The following BMPR1B variants were observed in gnomAD, a reference collection of about 807,000 sequenced individuals.
BMPR1B encodes the protein bone morphogenetic protein receptor type 1B.
In BMPR1B, 12 loss-of-function variants were observed where a neutral mutation model predicts 59.1. The ratio of observed to expected loss-of-function variants is 0.20; its 90% confidence interval spans 0.13 to 0.33. BMPR1B has a LOEUF of 0.33. Ranked by LOEUF, BMPR1B falls within the 10% of genes least tolerant of loss-of-function variation. The pLI is 1.00. For missense variants in BMPR1B, 550 were observed against 610.9 expected, an observed-to-expected ratio of 0.90 and a Z score of 1.05; for synonymous variants, 237 against 207.3, an observed-to-expected ratio of 1.14 and a Z score of -1.23.
chr4:95,083,785 G>T (rs1244799605), intron 3 of BMPR1B, among the ~76,000 whole-genome samples: 5 of 151,954 alleles, frequency 3.3e-5, no homozygotes, highest in Non-Finnish European at 5.9e-5. Context: ...CTCTTTTTTT[G>T]TGTGTTTCTT....
At position 94,933,141 on chromosome 4, in the gene BMPR1B, G is replaced by T. The variant is rs557031195; in HGVS notation, c.-113+57241G>T. ...TAATATTCGTATGTATTAGAATTAA[G>T]CTATTCATAAAGTTGTAAGCTGCAT... On this transcript the variant is annotated intron_variant, in intron 2 of 12. Transcript: ENST00000515059. Among the ~76,000 whole-genome samples the T allele has an allele frequency of 4.6e-5, 7 of 152,036 alleles. No individual in the cohort carries two copies. The East Asian group carries it at 1.4e-3, about 29-fold the overall frequency.
At chr4:94,786,578 G>A (rs1229573430) in intron 1 of BMPR1B, among the ~76,000 whole-genome samples, 1 of 151,952 alleles carries the variant, frequency 6.6e-6, no homozygotes, top group Non-Finnish European at 1.5e-5. Flanking sequence ...TCGCTCTGTT[G>A]CCCAGGCTGG....
chr4:95,149,896 C>G (rs1734916074), intron 11 of BMPR1B, among the ~76,000 whole-genome samples: 1 of 152,178 alleles, frequency 6.6e-6, no homozygotes, highest in African/African-American at 2.4e-5. Context: ...ATTATTGTAT[C>G]TGCTTCTGTG....
chr4:95,036,413 C>T (rs763609026), intron 3 of BMPR1B, among the ~76,000 whole-genome samples: 7 of 152,040 alleles, frequency 4.6e-5, no homozygotes, highest in South Asian at 4.2e-4. Flanking sequence ...TTTTTGTCCA[C>T]GAAGTTCATC....
rs557216032 is a variant in BMPR1B, at chr4:94,812,126, A to G, written c.-183+54058A>G. ...TTATATTCTTATTCATTAAACAAGC[A>G]CTTATTGAGCATTAACTATGTGCTA... On this transcript the variant is annotated intron_variant, in intron 1 of 12. Coordinates refer to ENST00000515059, the MANE Select transcript of BMPR1B (RefSeq NM_001203.3). Among the ~76,000 whole-genome samples, 33 of 152,308 alleles carry G rather than the reference A, an allele frequency of 2.2e-4. No individual in the cohort carries two copies. The East Asian group carries it at 5.6e-3, about 26-fold the overall frequency.
At chr4:95,010,425 A>ATC (rs1001721651) in intron 3 of BMPR1B, among the ~76,000 whole-genome samples, 2 of 152,108 alleles carry the variant, frequency 1.3e-5, no homozygotes, top group African/African-American at 4.8e-5. Context: ...TTGGAACCAT[A>ATC]TCTCTCTAAC....
In BMPR1B at chr4:95,154,528, C is replaced by A. The variant is rs776237011; in HGVS notation, c.1384-20C>A. 1.2e-6 allele frequency: 2 copies of A among 1,613,998 alleles called. No individual in the cohort carries two copies. Among genetic ancestry groups the A allele is most frequent in the Non-Finnish European group, 1.7e-6 (2 of 1,179,900 alleles). On this transcript the variant is annotated intron_variant, in intron 12 of 12. Coordinates refer to ENST00000515059, the MANE Select transcript of BMPR1B (RefSeq NM_001203.3). ...CCAGCCTTGCAGATGATACATTTTT[C>A]TAACATTTCTCTTCCTCAGTGTCTA...
In BMPR1B at chr4:94,859,823, A is replaced by C. The variant is rs372346544; in HGVS notation, c.-182-16008A>C. ...TTTTGGCTCAGACTGTGAGGAGATT[A>C]CTTAATTGCATATAAATTACTAAAG... On this transcript the variant is annotated intron_variant, in intron 1 of 12. Transcript: ENST00000515059. Among the ~76,000 whole-genome samples, 29 of 152,300 alleles carry C rather than the reference A, an allele frequency of 1.9e-4. No individual in the cohort carries two copies. In the South Asian group the frequency reaches 4.3e-3, roughly 23 times the overall value.
intron 2 of BMPR1B, among the ~76,000 whole-genome samples, chr4:94,887,403 CA>C (rs57818132): frequency 0.041 from 2,248 of 54,790 alleles, 21 homozygotes; most frequent in African/African-American, 0.1. Flanking sequence ...CACCCCCCAC[CA>C]AAAAAAAAAA....
chr4:95,134,577 G>A (rs1462007354), intron 10 of BMPR1B, among the ~76,000 whole-genome samples: 1 of 152,164 alleles, frequency 6.6e-6, no homozygotes, highest in East Asian at 1.9e-4. Flanking sequence ...GTGTGAGATG[G>A]CATCTCATTG....
At chr4:94,801,147 C>T (rs952872604) in intron 1 of BMPR1B, among the ~76,000 whole-genome samples, 1 of 152,174 alleles carries the variant, frequency 6.6e-6, no homozygotes, top group African/African-American at 2.4e-5. Context: ...CTCACCACCC[C>T]TTCCTGCCTT....
chr4:94,795,800 C>T (rs1578653463), intron 1 of BMPR1B, among the ~76,000 whole-genome samples: 1 of 152,034 alleles, frequency 6.6e-6, no homozygotes, highest in Non-Finnish European at 1.5e-5. Context: ...CAATACCACT[C>T]CTGAGTACAC....
intron 3 of BMPR1B, among the ~76,000 whole-genome samples, chr4:95,095,031 T>A (rs1223355938): frequency 6.6e-6 from 1 of 151,786 alleles, no homozygotes; most frequent in Non-Finnish European, 1.5e-5. Flanking sequence ...AATTATTTAG[T>A]GTATATATAT....
At chr4:94,865,864 A>C (rs953525827) in intron 1 of BMPR1B, among the ~76,000 whole-genome samples, 2 of 152,170 alleles carry the variant, frequency 1.3e-5, no homozygotes, top group Non-Finnish European at 2.9e-5. Flanking sequence ...TGATGGTGGC[A>C]TAGGATAGTG....
intron 1 of BMPR1B, among the ~76,000 whole-genome samples, chr4:94,792,876 G>A (rs1473605609): frequency 6.6e-6 from 1 of 152,054 alleles, no homozygotes; most frequent in Non-Finnish European, 1.5e-5. Flanking sequence ...AATTTCCAAA[G>A]CAACATAAAG....
rs1729704232 is a variant in BMPR1B at position 94,946,205 on chromosome 4, ACT to A, written c.-112-49832_-112-49831del. 5.9e-5 allele frequency among the ~76,000 whole-genome samples: 9 copies of A among 152,262 alleles called. No homozygotes were observed. In the South Asian group the frequency reaches 1.9e-3, roughly 32 times the overall value. The stretch of plus-strand genomic sequence containing the variant: ...TCTCTTACGAATCTTTTGGCAGTTA[ACT>A]CTAGTTTTTCAGATCTTTGTAGTTT... On this transcript the variant is annotated intron_variant, in intron 2 of 12. Coordinates refer to ENST00000515059, the MANE Select transcript of BMPR1B (RefSeq NM_001203.3).
At chr4:94,798,793 A>G (rs1723288382) in intron 1 of BMPR1B, among the ~76,000 whole-genome samples, 1 of 152,008 alleles carries the variant, frequency 6.6e-6, no homozygotes, top group Admixed American at 6.6e-5. Context: ...AGTCTTCAGG[A>G]TTATAAATCC....
At chr4:95,032,177 G>T (rs1349759424) in intron 3 of BMPR1B, among the ~76,000 whole-genome samples, 1 of 152,100 alleles carries the variant, frequency 6.6e-6, no homozygotes. Flanking sequence ...TGAAGCTTCT[G>T]TTCCTGGTCC....
intron 1 of BMPR1B, among the ~76,000 whole-genome samples, chr4:94,873,766 A>C (rs969090709): frequency 1.3e-5 from 2 of 152,216 alleles, no homozygotes; most frequent in Non-Finnish European, 1.5e-5. Context: ...GCGTTTAAAA[A>C]AATTAATGTA....
Sources: allele counts gnomAD v4.1 joint callset (sites outside exome capture counted in the v4.1 genomes callset), GRCh38; gene constraint gnomAD v4.1.1; transcripts MANE v1.5; gene names NCBI Gene and HGNC (gene_info 2026-07-23, HGNC 2026-07-21).